Variants in IFT74 observed in about 807,000 individuals in gnomAD.
IFT74 encodes intraflagellar transport protein 74 homolog.
A neutral mutation model predicts 96.7 loss-of-function variants in IFT74; 92 were observed. The observed-to-expected ratio is 0.95, with a 90% CI of 0.80 to 1.13. The LOEUF is 1.13. Among genes scored for constraint, IFT74 ranks in the 50% most tolerant of loss-of-function variants. IFT74 has a pLI of 0.00. For synonymous variants in IFT74, 223 were observed against 213.2 expected (o/e 1.05, Z -0.40); for missense variants, 811 against 698.2 (o/e 1.16, Z -1.82).
At chr9:26,948,616 G>A (rs1373368733) in intron 1 of IFT74, among the ~76,000 whole-genome samples, 5 of 151,324 alleles carry the variant, frequency 3.3e-5, no homozygotes, top group Non-Finnish European at 7.4e-5. Flanking sequence ...ACAGGAGCGC[G>A]CCACCATGCC....
At chr9:27,053,196 A>C (rs1820012588) in intron 16 of IFT74, among the ~76,000 whole-genome samples, 2 of 133,140 alleles carry the variant, frequency 1.5e-5, no homozygotes, top group Non-Finnish European at 3.1e-5. Context: ...TTAATGGAGC[A>C]ATCACTTCTT....
intron 8 of IFT74, 118 bp from the exon 9 acceptor site, chr9:27,008,902 C>A: frequency 1.3e-6 from 1 of 777,642 alleles, no homozygotes; most frequent in Non-Finnish European, 2.0e-6. Flanking sequence ...TTTTCAGTCA[C>A]ACACTGTGGT....
At chr9:27,056,120 C>T (rs1251942655) in intron 17 of IFT74, among the ~76,000 whole-genome samples, 1 of 151,876 alleles carries the variant, frequency 6.6e-6, no homozygotes, top group African/African-American at 2.4e-5. Flanking sequence ...TTGGTAGGGT[C>T]GGGAGAGATA....
chr9:27,006,675 G>A (rs2131595809), intron 8 of IFT74, among the ~76,000 whole-genome samples: 1 of 149,220 alleles, frequency 6.7e-6, no homozygotes, highest in Non-Finnish European at 1.5e-5. Flanking sequence ...GAAGGAGGAG[G>A]AGGAGGAAGG....
chr9:27,041,511 A>G (rs986082526), intron 13 of IFT74, among the ~76,000 whole-genome samples: 1 of 152,236 alleles, frequency 6.6e-6, no homozygotes, highest in South Asian at 2.1e-4. Flanking sequence ...CGCACATCAA[A>G]TGCTCCGAAT....
At position 27,057,457 on chromosome 9, in the gene IFT74, T is replaced by C. The variant is rs557659982; in HGVS notation, c.1623+998T>C. On this transcript the variant is annotated intron_variant, in intron 18 of 19. Coordinates refer to ENST00000380062, the MANE Select transcript of IFT74 (RefSeq NM_025103.4). ...TGATTGAATGAAGCATTATGTGTCA[T>C]GTACAAAGTCAATAACTACGGTCTG... Among the ~76,000 whole-genome samples, 317 of 152,352 alleles carry C rather than the reference T, an allele frequency of 2.1e-3. 1 individual carries two copies. Among genetic ancestry groups the C allele is most frequent in the African/African-American group, 7.4e-3 (308 of 41,572 alleles).
chr9:27,036,139 G>A (rs1819170335), intron 13 of IFT74, among the ~76,000 whole-genome samples: 1 of 152,208 alleles, frequency 6.6e-6, no homozygotes, highest in South Asian at 2.1e-4. Context: ...TGAAATGGAA[G>A]TAGGTCATTA....
At chr9:26,995,922 C>G (rs944474266) in intron 8 of IFT74, 2 of 1,019,168 alleles carry the variant, frequency 2.0e-6, no homozygotes, top group Non-Finnish European at 1.4e-6. Flanking sequence ...AATTATATAT[C>G]CTAATTCTCC....
intron 16 of IFT74, among the ~76,000 whole-genome samples, 193 bp downstream of exon 16, chr9:27,048,467 A>G (rs554414067): frequency 6.6e-6 from 1 of 152,294 alleles, no homozygotes; most frequent in African/African-American, 2.4e-5. Context: ...ACATTTATTG[A>G]ATACTTATTT....
At chr9:27,014,283 A>T (rs1829244331) in intron 10 of IFT74, among the ~76,000 whole-genome samples, 1 of 152,154 alleles carries the variant, frequency 6.6e-6, no homozygotes, top group South Asian at 2.1e-4. Context: ...CTTAATTTTT[A>T]TTTCCTTGGA....
intron 8 of IFT74, among the ~76,000 whole-genome samples, chr9:27,000,633 A>T (rs369877953): frequency 6.6e-6 from 1 of 152,224 alleles, no homozygotes; most frequent in African/African-American, 2.4e-5. Context: ...TCTTTTCTTT[A>T]TAATGGAAAC....
chr9:27,055,274 G>C (rs1222977831), intron 16 of IFT74, among the ~76,000 whole-genome samples: 1 of 152,016 alleles, frequency 6.6e-6, no homozygotes, highest in Admixed American at 6.6e-5. Context: ...ACATAACTGT[G>C]TCATGCTTCT....
intron 14 of IFT74, among the ~76,000 whole-genome samples, chr9:27,045,411 T>C (rs368081960): frequency 1.3e-5 from 2 of 152,208 alleles, no homozygotes; most frequent in East Asian, 1.9e-4. Flanking sequence ...TTGAATGTTC[T>C]CTTTTACATG....
Position 27,047,286 on chromosome 9 carries a change from CTT to C in IFT74, c.1124_1125del (p.Phe375Ter). Reference sequence around the variant, plus strand: ...TTCCAATTGTCAGCTTTTATTGAGACTTTTGAGGAAACAAAGAATCAGGAACT... The same window carrying C: ...TTCCAATTGTCAGCTTTTATTGAGACTTGAGGAAACAAAGAATCAGGAACT... On this transcript the variant is annotated frameshift_variant, in exon 15 of 20. Coordinates refer to ENST00000380062, the MANE Select transcript of IFT74 (RefSeq NM_025103.4). LOFTEE classifies it high-confidence loss of function. The C allele has an allele frequency of 6.2e-7, 1 of 1,609,934 alleles. No individual in the cohort carries two copies. Among genetic ancestry groups the C allele is most frequent in the East Asian group, 2.2e-5 (1 of 44,756 alleles).
At chr9:27,046,470 C>T (rs78770866) in intron 14 of IFT74, among the ~76,000 whole-genome samples, 15,151 of 151,938 alleles carry the variant, frequency 0.1, 1,004 homozygotes, top group South Asian at 0.26. Context: ...TAGAAATACT[C>T]GAAAATGTAA....
At chr9:27,006,975 T>A (rs957504765) in intron 8 of IFT74, among the ~76,000 whole-genome samples, 2 of 151,400 alleles carry the variant, frequency 1.3e-5, no homozygotes, top group African/African-American at 4.9e-5. Flanking sequence ...TAGCTGGGAC[T>A]ACAGGCGCCC....
chr9:27,062,209 A>C (rs1290768400), intron 19 of IFT74, among the ~76,000 whole-genome samples: 1 of 152,196 alleles, frequency 6.6e-6, no homozygotes, highest in Non-Finnish European at 1.5e-5. Context: ...AGTTTTGTGC[A>C]ACATAAAGTA....
At position 27,031,573 on chromosome 9, in the gene IFT74, G is replaced by GT. The variant is rs1285188321; in HGVS notation, c.1054+2469_1054+2470insT. On this transcript the variant is annotated intron_variant, in intron 13 of 19. Transcript: ENST00000380062. ...AAATAGTTTCTTCGACCACTTAGCT[G>GT]AAATCAGGCCCTTAACTTTACTCAT... is the stretch of plus-strand genomic sequence containing the variant. 3.3e-4 allele frequency among the ~76,000 whole-genome samples: 49 copies of GT among 146,680 alleles called. 1 individual carries two copies. The highest frequency in any genetic ancestry group is 6.0e-4 in the Non-Finnish European group (40 of 67,052).
At chr9:27,048,703 C>G (rs143900878) in intron 16 of IFT74, among the ~76,000 whole-genome samples, 44 of 152,264 alleles carry the variant, frequency 2.9e-4, no homozygotes, top group African/African-American at 7.0e-4. Flanking sequence ...CATCAATGTA[C>G]ATGCTGGTTA....
Sources: gnomAD v4.1 joint callset for allele counts (sites outside exome capture counted in the v4.1 genomes callset) on GRCh38, gnomAD v4.1.1 for gene constraint, MANE v1.5 for transcripts, NCBI Gene and HGNC (gene_info 2026-07-23, HGNC 2026-07-21) for gene names.